Variants in KCNIP4 observed in about 807,000 individuals in gnomAD.
The protein encoded by KCNIP4 is Kv channel-interacting protein 4.
KCNIP4 carries 12 observed loss-of-function variants against 34.0 expected under a neutral mutation model. The observed-to-expected ratio is 0.35, with a 90% confidence interval of 0.23 to 0.57. The LOEUF (loss-of-function observed/expected upper bound fraction) is 0.57, where lower values mean the gene tolerates loss of function less well. KCNIP4 is among the 20% of genes least tolerant of loss of function. The pLI, the probability that KCNIP4 is intolerant of heterozygous loss-of-function variation, is 0.83. For synonymous variants in KCNIP4, 124 were observed against 102.2 expected, an observed-to-expected ratio of 1.21 and a Z score of -1.29; for missense variants, 238 against 311.7, an observed-to-expected ratio of 0.76 and a Z score of 1.78.
chr4:21,751,248 AT>A (rs1414371683), intron 1 of KCNIP4, among the ~76,000 whole-genome samples: 5 of 152,210 alleles, frequency 3.3e-5, no homozygotes, highest in Admixed American at 1.3e-4. Flanking sequence ...CAAATACCAT[AT>A]AAAGACTTTG....
chr4:21,645,814 C>G (rs1746971162), intron 1 of KCNIP4, among the ~76,000 whole-genome samples: 1 of 151,860 alleles, frequency 6.6e-6, no homozygotes, highest in Admixed American at 6.5e-5. Context: ...GTAGCAATGA[C>G]CACAACTCTC....
chr4:21,487,313 CA>C (rs1182448814), intron 1 of KCNIP4, among the ~76,000 whole-genome samples: 1 of 151,972 alleles, frequency 6.6e-6, no homozygotes, highest in Admixed American at 6.6e-5. Flanking sequence ...TGGCATTTGT[CA>C]TATATTTTTC....
intron 1 of KCNIP4, among the ~76,000 whole-genome samples, chr4:21,637,067 T>C (rs1050264630): frequency 6.6e-5 from 10 of 152,222 alleles, no homozygotes; most frequent in African/African-American, 1.9e-4. Context: ...CACAGGAAAT[T>C]GGTTCCGGGA....
intron 1 of KCNIP4, among the ~76,000 whole-genome samples, chr4:21,800,129 C>A (rs960122062): frequency 6.6e-6 from 1 of 152,104 alleles, no homozygotes; most frequent in Non-Finnish European, 1.5e-5. Flanking sequence ...GAAATGAGTT[C>A]TTTCCCCCTA....
At chr4:20,885,672 G>A (rs1725221281) in intron 1 of KCNIP4, among the ~76,000 whole-genome samples, 1 of 152,154 alleles carries the variant, frequency 6.6e-6, no homozygotes, top group Non-Finnish European at 1.5e-5. Context: ...TGGGCAGCAG[G>A]CAAAATGAAC....
chr4:20,852,457 G>T (rs549857282), intron 2 of KCNIP4, among the ~76,000 whole-genome samples: 1 of 152,012 alleles, frequency 6.6e-6, no homozygotes, highest in Non-Finnish European at 1.5e-5. Flanking sequence ...AGCAAAATTG[G>T]CATACAAGGC....
intron 1 of KCNIP4, among the ~76,000 whole-genome samples, chr4:21,589,769 A>G (rs73252294): frequency 0.029 from 4,464 of 152,074 alleles, 74 homozygotes; most frequent in South Asian, 0.073. Flanking sequence ...GCTGTAAATT[A>G]CAGAGGATAG....
intron 1 of KCNIP4, among the ~76,000 whole-genome samples, chr4:21,225,156 T>C (rs984306185): frequency 6.6e-6 from 1 of 152,134 alleles, no homozygotes; most frequent in Non-Finnish European, 1.5e-5. Flanking sequence ...CATAACCCTA[T>C]TGTAAATTGA....
At chr4:20,972,426 G>A (rs967119852) in intron 1 of KCNIP4, among the ~76,000 whole-genome samples, 5 of 152,136 alleles carry the variant, frequency 3.3e-5, no homozygotes, top group African/African-American at 1.2e-4. Context: ...TGTGTTCAGA[G>A]GCATAAAAAC....
chr4:20,872,698 C>T (rs918276121), intron 2 of KCNIP4, among the ~76,000 whole-genome samples: 2 of 152,008 alleles, frequency 1.3e-5, no homozygotes, highest in African/African-American at 2.4e-5. Flanking sequence ...ACAAAGAAGG[C>T]TCTCATTTAT....
At chr4:21,844,525 A>G (rs1281231167) in intron 1 of KCNIP4, 2 of 152,036 alleles carry the variant, frequency 1.3e-5, no homozygotes, top group African/African-American at 4.8e-5. Context: ...CCACACCAGA[A>G]CTGCAATTTC....
chr4:20,894,520 T>A (rs1726293276), intron 1 of KCNIP4, among the ~76,000 whole-genome samples: 1 of 152,214 alleles, frequency 6.6e-6, no homozygotes, highest in Non-Finnish European at 1.5e-5. Flanking sequence ...AAACAGTCAC[T>A]TGTTTCCTTT....
intron 3 of KCNIP4, among the ~76,000 whole-genome samples, chr4:20,767,695 A>G (rs1755534483): frequency 6.6e-6 from 1 of 152,182 alleles, no homozygotes; most frequent in African/African-American, 2.4e-5. Context: ...CCACTCTATT[A>G]GCTGAAATCT....
chr4:20,915,191 C>T (rs937559710), intron 1 of KCNIP4, among the ~76,000 whole-genome samples: 3 of 152,164 alleles, frequency 2.0e-5, no homozygotes, highest in Non-Finnish European at 4.4e-5. Context: ...TTACGTACTC[C>T]AGGAAATAAA....
intron 1 of KCNIP4, among the ~76,000 whole-genome samples, chr4:21,352,253 G>T (rs979532106): frequency 6.6e-6 from 1 of 152,184 alleles, no homozygotes; most frequent in Middle Eastern, 3.2e-3. Context: ...TAAGGTACCT[G>T]GTTCATATCA....
chr4:21,254,549 A>G (rs970820035), intron 1 of KCNIP4, among the ~76,000 whole-genome samples: 9 of 152,182 alleles, frequency 5.9e-5, no homozygotes, highest in Non-Finnish European at 1.3e-4. Context: ...TTGACAAATA[A>G]AAATGCACTA....
chr4:21,731,371 C>T (rs1438340921), intron 1 of KCNIP4, among the ~76,000 whole-genome samples: 1 of 152,050 alleles, frequency 6.6e-6, no homozygotes, highest in African/African-American at 2.4e-5. Flanking sequence ...TACAGAAATA[C>T]GCTTTCGACG....
intron 1 of KCNIP4, among the ~76,000 whole-genome samples, chr4:21,034,155 G>A (rs1393798163): frequency 6.6e-6 from 1 of 152,098 alleles, no homozygotes; most frequent in African/African-American, 2.4e-5. Flanking sequence ...AGAAAAGAAA[G>A]AAATTTTTTA....
chr4:20,778,829 T>C (rs1364478581), intron 3 of KCNIP4, among the ~76,000 whole-genome samples: 2 of 152,170 alleles, frequency 1.3e-5, no homozygotes, highest in African/African-American at 4.8e-5. Context: ...TGTAAGAGTA[T>C]AAGAATGAGA....
Sources: gnomAD v4.1 joint callset for allele counts (sites outside exome capture counted in the v4.1 genomes callset) on GRCh38, gnomAD v4.1.1 for gene constraint, MANE v1.5 for transcripts, NCBI Gene and HGNC (gene_info 2026-07-23, HGNC 2026-07-21) for gene names.